Variants in EPC2 observed in about 807,000 individuals in gnomAD.
The protein encoded by EPC2 is enhancer of polycomb 2, also known as enhancer of polycomb homolog 2.
Under a neutral mutation model 92.1 loss-of-function variants are expected in EPC2, and 14 were observed. The observed-to-expected ratio is 0.15, with a 90% CI of 0.10 to 0.24. EPC2 has a LOEUF of 0.24. EPC2 is among the 10% of genes least tolerant of loss of function. The probability of loss-of-function intolerance (pLI) is 1.00; values close to 1 mark genes in which losing one functional copy is unlikely to be tolerated. For missense variants in EPC2, 755 were observed against 971.5 expected (o/e 0.78, Z 2.96); for synonymous variants, 340 against 334.7 (o/e 1.02, Z -0.17).
Position 148,743,177 on chromosome 2 carries a change from A to G in EPC2, c.314-445A>G, listed in dbSNP as rs190723252. On this transcript the variant is annotated intron_variant, in intron 2 of 13. Transcript: ENST00000258484. ...AGGAATTCAGCTTAATTTTTTTAAG[A>G]TAACTAGTCTGTTATGCCAACACTC... is the stretch of plus-strand genomic sequence containing the variant. 1.4e-4 allele frequency among the ~76,000 whole-genome samples: 21 copies of G among 152,222 alleles called. No homozygotes were observed. In the East Asian group the frequency reaches 2.9e-3, roughly 21 times the overall value.
rs114013631 is a variant in EPC2, at chr2:148,686,450, T to G, written c.154-3764T>G. 6.8e-3 allele frequency among the ~76,000 whole-genome samples: 1,029 copies of G among 152,346 alleles called. 6 individuals carry two copies. Among genetic ancestry groups the G allele is most frequent in the African/African-American group, 0.023 (968 of 41,564 alleles). ...CCATGAGGATTAGAATTCCCTTCTT[T>G]CAAACTCCTGTTAATGTGGGCATTT... On this transcript the variant is annotated intron_variant, in intron 1 of 13. Transcript: ENST00000258484.
At chr2:148,736,820 C>A (rs1682767100) in intron 2 of EPC2, among the ~76,000 whole-genome samples, 1 of 151,996 alleles carries the variant, frequency 6.6e-6, no homozygotes, top group South Asian at 2.1e-4. Context: ...AGTTTCAGGG[C>A]CGCACACGAT....
At chr2:148,655,668 CT>C (rs1244022026) in intron 1 of EPC2, among the ~76,000 whole-genome samples, 1 of 152,026 alleles carries the variant, frequency 6.6e-6, no homozygotes, top group African/African-American at 2.4e-5. Context: ...CCCCTTAGTT[CT>C]TTCTATGGAT....
chr2:148,691,501 C>A, intron 2 of EPC2: 1 of 1,548,926 alleles, frequency 6.5e-7, no homozygotes, highest in Non-Finnish European at 8.7e-7. Flanking sequence ...AGATTGACTG[C>A]TTTTCATTGA....
At chr2:148,668,363 C>T (rs1385381884) in intron 1 of EPC2, among the ~76,000 whole-genome samples, 2 of 152,130 alleles carry the variant, frequency 1.3e-5, no homozygotes, top group African/African-American at 4.8e-5. Flanking sequence ...AGAGTGATTG[C>T]ATTTCAGTTC....
At chr2:148,719,931 G>A (rs561810852) in intron 2 of EPC2, among the ~76,000 whole-genome samples, 1 of 152,228 alleles carries the variant, frequency 6.6e-6, no homozygotes, top group Non-Finnish European at 1.5e-5. Flanking sequence ...GAACATGGGT[G>A]GTGACTAGAG....
At chr2:148,728,389 T>C (rs1558822147) in intron 2 of EPC2, among the ~76,000 whole-genome samples, 1 of 152,120 alleles carries the variant, frequency 6.6e-6, no homozygotes, top group East Asian at 1.9e-4. Context: ...TTTTTTTTTT[T>C]AATCACTGCA....
intron 3 of EPC2, among the ~76,000 whole-genome samples, chr2:148,744,516 G>T (rs1456010381): frequency 6.6e-6 from 1 of 152,012 alleles, no homozygotes; most frequent in Non-Finnish European, 1.5e-5. Context: ...TAGAAAACAG[G>T]ATACAGAACT....
chr2:148,654,447 A>G (rs1349255433), intron 1 of EPC2, among the ~76,000 whole-genome samples: 1 of 152,176 alleles, frequency 6.6e-6, no homozygotes, highest in Non-Finnish European at 1.5e-5. Flanking sequence ...GCTTGAGGCC[A>G]GGAGTTTTGA....
intron 3 of EPC2, among the ~76,000 whole-genome samples, chr2:148,748,745 A>G (rs1683032576): frequency 6.6e-6 from 1 of 152,038 alleles, no homozygotes; most frequent in Admixed American, 6.6e-5. Context: ...TTTTGACTGC[A>G]TTTTGATTGT....
At chr2:148,753,111 T>C (rs111815894) in intron 3 of EPC2, among the ~76,000 whole-genome samples, 1 of 152,316 alleles carries the variant, frequency 6.6e-6, no homozygotes, top group Non-Finnish European at 1.5e-5. Context: ...CCGATTGTCT[T>C]ATCCGATCTC....
chr2:148,720,046 A>G (rs1183504268), intron 2 of EPC2, among the ~76,000 whole-genome samples: 1 of 152,090 alleles, frequency 6.6e-6, no homozygotes, highest in African/African-American at 2.4e-5. Flanking sequence ...CATGGTAGGG[A>G]ACTGCCTCTG....
intron 2 of EPC2, among the ~76,000 whole-genome samples, chr2:148,732,364 C>T (rs192043804): frequency 6.7e-6 from 1 of 150,374 alleles, no homozygotes; most frequent in Admixed American, 6.7e-5. Context: ...TCAGTGATTC[C>T]ATTCTGTTAT....
At chr2:148,776,250 G>T (rs1271854235) in intron 10 of EPC2, among the ~76,000 whole-genome samples, 1 of 152,082 alleles carries the variant, frequency 6.6e-6, no homozygotes, top group Non-Finnish European at 1.5e-5. Context: ...TAAGGGTTAG[G>T]GTTGCTTCCA....
Position 148,674,316 on chromosome 2 carries a change from C to T in EPC2, c.154-15898C>T, listed in dbSNP as rs538037337. Among the ~76,000 whole-genome samples, 7 of 152,300 alleles carry T rather than the reference C, an allele frequency of 4.6e-5. No homozygotes were observed. In the East Asian group the frequency reaches 1.4e-3, roughly 29 times the overall value. On this transcript the variant is annotated intron_variant, in intron 1 of 13. Transcript: ENST00000258484. Reference sequence around the variant, plus strand: ...CAGCAAGCCACTGAGTTCTTTTGTTCTCTACAGTCTCCAGGTTTCCAAAGT... The same window carrying T: ...CAGCAAGCCACTGAGTTCTTTTGTTTTCTACAGTCTCCAGGTTTCCAAAGT...
rs935978031 is a variant in EPC2 at position 148,774,624 on chromosome 2, T to TATATATATATATATATATATATATATATA, written c.1720+3237_1720+3238insATATATATATATATATATATATATATATA. 2.0e-4 allele frequency among the ~76,000 whole-genome samples: 26 copies of TATATATATATATATATATATATATATATA among 132,596 alleles called. 1 individual carries two copies. Among genetic ancestry groups the TATATATATATATATATATATATATATATA allele is most frequent in the African/African-American group, 7.0e-4 (26 of 37,396 alleles). The allele number at this position is 132,596 out of a possible 152,430, so 87.0% of individuals were successfully genotyped here. Reference sequence around the variant, plus strand: ...CCTGACTCAAAAAAAAAAATATATTTTATATATATATATATATGCATGTAC... The same window carrying TATATATATATATATATATATATATATATA: ...CCTGACTCAAAAAAAAAAATATATTTATATATATATATATATATATATATATATATATATATATATATATATGCATGTAC... On this transcript the variant is annotated intron_variant, in intron 10 of 13. Coordinates refer to ENST00000258484, the MANE Select transcript of EPC2 (RefSeq NM_015630.4).
intron 1 of EPC2, among the ~76,000 whole-genome samples, chr2:148,653,946 T>G (rs1449844729): frequency 6.9e-6 from 1 of 145,820 alleles, no homozygotes; most frequent in Non-Finnish European, 1.5e-5. Context: ...TTACTTTTTT[T>G]TTTGTTTTTT....
At chr2:148,653,090 A>T (rs1680717991) in intron 1 of EPC2, among the ~76,000 whole-genome samples, 1 of 152,192 alleles carries the variant, frequency 6.6e-6, no homozygotes, top group Non-Finnish European at 1.5e-5. Flanking sequence ...CAACAAGACT[A>T]AATGTCTTGA....
chr2:148,673,791 G>C (rs1446915539), intron 1 of EPC2, among the ~76,000 whole-genome samples: 1 of 152,006 alleles, frequency 6.6e-6, no homozygotes, highest in African/African-American at 2.4e-5. Flanking sequence ...TTGCCGTGTT[G>C]GTCAGGCTGG....
Sources: gnomAD v4.1 joint callset for allele counts (sites outside exome capture counted in the v4.1 genomes callset) on GRCh38, gnomAD v4.1.1 for gene constraint, MANE v1.5 for transcripts, NCBI Gene and HGNC (gene_info 2026-07-23, HGNC 2026-07-21) for gene names.